The following ZFHX2 variants were observed in gnomAD, a reference collection of about 807,000 sequenced individuals.
The protein encoded by ZFHX2 is zinc finger homeobox protein 2.
In ZFHX2, 75 loss-of-function variants were observed where a neutral mutation model predicts 164.8. The observed-to-expected ratio is 0.46, with a 90% CI of 0.38 to 0.55. The LOEUF is 0.55. Ranked by LOEUF, ZFHX2 falls within the 20% of genes least tolerant of loss-of-function variation. The pLI, the probability that ZFHX2 is intolerant of heterozygous loss-of-function variation, is 0.00. For synonymous variants in ZFHX2, 1,217 were observed against 1,351.4 expected (o/e 0.90, Z 2.18); for missense variants, 2,933 against 3,308.0 (o/e 0.89, Z 2.78).
rs1259606977 is a variant in ZFHX2 at position 23,524,463 on chromosome 14, C to A, written c.5479G>T (p.Gly1827Cys). Residue 1827 changes from glycine to cysteine, a missense_variant, in exon 9 of 10, where the codon GGT (glycine) becomes TGT (cysteine). Coordinates refer to ENST00000419474, the MANE Select transcript of ZFHX2 (RefSeq NM_033400.3). This position sits in a 1 kb window ranked among gnomAD's most constrained non-coding sequence, Gnocchi z 5.6. Reference sequence around the variant, plus strand: ...TCATGCTTCCGTTTGAGAGGTGGACCTGGCATTGGTGAGGTGGCTGCCACC... The same window carrying A: ...TCATGCTTCCGTTTGAGAGGTGGACATGGCATTGGTGAGGTGGCTGCCACC... ...PLVAATSPMPGPPLKRKHEDG... is the reference protein window; with the variant it reads ...PLVAATSPMPCPPLKRKHEDG... 1 of 1,534,838 alleles carries A rather than the reference C, an allele frequency of 6.5e-7. No homozygotes were observed. Among genetic ancestry groups the A allele is most frequent in the South Asian group, 1.2e-5 (1 of 83,892 alleles).
In ZFHX2 at chr14:23,525,858, G is replaced by C. The variant is rs1305068682; in HGVS notation, c.4084C>G (p.Gln1362Glu). 1 of 1,456,678 alleles carries C rather than the reference G, an allele frequency of 6.9e-7. No homozygotes were observed. 90.2% of individuals were successfully genotyped at this position (1,456,678 alleles called of 1,614,324 possible). The change falls in exon 9 of 10, where the codon CAG (glutamine) becomes GAG (glutamate). Residue 1362 changes from glutamine to glutamate, a missense_variant. Physicochemically the swap from Gln to Glu is conservative, Grantham distance 29 (BLOSUM62 2). Transcript: ENST00000419474. The surrounding 1 kb of genome is among the most constrained non-coding windows in gnomAD (Gnocchi z 5.9). The stretch of plus-strand genomic sequence containing the variant: ...TGGAGGTAGAAGGGCAGGAGCAGCT[G>C]CTGCTGCTGGAGCTTAAGCAGTGAT... ...PESLLKLQQQQLLLPFYLHDL... is the reference protein window; with the variant it reads ...PESLLKLQQQELLLPFYLHDL...
At chr14:23,528,660 C>G in intron 6 of ZFHX2, 2 of 985,456 alleles carry the variant, frequency 2.0e-6, no homozygotes, top group Non-Finnish European at 2.4e-6. Flanking sequence ...CATCCTCCCT[C>G]AGGCTCAGCA....
intron 6 of ZFHX2, among the ~76,000 whole-genome samples, chr14:23,529,204 T>G (rs779244771): frequency 6.6e-5 from 10 of 152,324 alleles, no homozygotes; most frequent in Middle Eastern, 3.4e-3. Context: ...GTCTGAGTCC[T>G]GGGGATTTAG....
At chr14:23,551,993 T>C (rs1398901658), upstream of ZFHX2, among the ~76,000 whole-genome samples, 4 of 152,216 alleles carry the variant, frequency 2.6e-5, no homozygotes, top group East Asian at 7.7e-4. This position sits in a 1 kb window ranked among gnomAD's most constrained non-coding sequence, Gnocchi z 5.3. Flanking sequence ...CTCTTCATCC[T>C]GTGGCCTGCA....
chr14:23,522,338 G>T lies in ZFHX2; in HGVS notation c.7343C>A (p.Thr2448Asn). 2.0e-6 allele frequency: 3 copies of T among 1,535,058 alleles called. No homozygotes were observed. The highest frequency in any genetic ancestry group is 2.6e-6 in the Non-Finnish European group (3 of 1,146,332). ...GSTGISTVDV[T>N]HRYLCRQCKM... The stretch of plus-strand genomic sequence containing the variant: ...GCACTGGCGGCACAGGTAGCGATGG[G>T]TTACATCCACGGTGGAGATGCCAGT... The change falls in exon 10 of 10, where the codon ACC (threonine) becomes AAC (asparagine). Residue 2448 changes from threonine (T) to asparagine (N), a missense_variant. Coordinates refer to ENST00000419474, the MANE Select transcript of ZFHX2 (RefSeq NM_033400.3).
intron 1 of ZFHX2, among the ~76,000 whole-genome samples, chr14:23,539,026 G>C (rs568432113): frequency 6.6e-6 from 1 of 152,264 alleles, no homozygotes; most frequent in South Asian, 2.1e-4. Flanking sequence ...AGGGCGGAGA[G>C]TTCTGAGGGT....
At position 23,525,533 on chromosome 14, in the gene ZFHX2, G is replaced by T. The variant is rs866758772; in HGVS notation, c.4409C>A (p.Pro1470Gln). 4.6e-6 allele frequency: 7 copies of T among 1,535,538 alleles called. No homozygotes were observed. Among genetic ancestry groups the T allele is most frequent in the Non-Finnish European group, 6.1e-6 (7 of 1,146,906 alleles). Reference protein sequence around the residue: ...QAVPPPPTPPPPEALGGGDKL... With the variant: ...QAVPPPPTPPQPEALGGGDKL... ...GTCCCCACCCCCGAGGGCCTCAGGT[G>T]GGGGTGGGGTAGGGGGAGGGGGCAC... Residue 1470 changes from proline (P) to glutamine (Q), a missense_variant, in exon 9 of 10, where the codon CCA (proline) becomes CAA (glutamine). By Grantham distance (76) the Pro-to-Gln change is moderately conservative. Coordinates refer to ENST00000419474, the MANE Select transcript of ZFHX2 (RefSeq NM_033400.3). This position sits in a 1 kb window ranked among gnomAD's most constrained non-coding sequence, Gnocchi z 5.9.
chr14:23,546,494 T>C lies in ZFHX2; in HGVS notation c.-50+4849A>G, dbSNP rs1444077774. ...CTCAGCCCTGTCACCCCTTAACAAC[T>C]GCACATGAGGACCCTGGTCTCTGGA... is the stretch of plus-strand genomic sequence containing the variant. On this transcript the variant is annotated intron_variant, in intron 1 of 9. Coordinates refer to ENST00000419474, the MANE Select transcript of ZFHX2 (RefSeq NM_033400.3). The surrounding 1 kb of genome is among the most constrained non-coding windows in gnomAD (Gnocchi z 4.7). Among the ~76,000 whole-genome samples, 1 of 152,108 alleles carries C rather than the reference T, an allele frequency of 6.6e-6. No individual in the cohort carries two copies. Among genetic ancestry groups the C allele is most frequent in the African/African-American group, 2.4e-5 (1 of 41,408 alleles).
chr14:23,531,271 T>G, intron 4 of ZFHX2: 1 of 609,840 alleles, frequency 1.6e-6, no homozygotes, highest in Non-Finnish European at 2.4e-6. Flanking sequence ...GCAAAGCCCC[T>G]GCCCTTCTTT....
In ZFHX2 at chr14:23,532,880, T is replaced by C. The variant is rs780191376; in HGVS notation, c.2246A>G (p.Glu749Gly). 1 of 1,536,224 alleles carries C rather than the reference T, an allele frequency of 6.5e-7. No individual in the cohort carries two copies. The highest frequency in any genetic ancestry group is 2.0e-5 in the Admixed American group (1 of 51,006). ...CSIGRSLPEA[E>G]WKEVAGDTHR... ...GGTGTCACCAGCCACCTCCTTCCAT[T>C]CAGCTTCCGGGAGGCTCCGGCCTAT... is the stretch of plus-strand genomic sequence containing the variant. The change falls in exon 3 of 10, where the codon GAA (glutamate) becomes GGA (glycine). Residue 749 changes from glutamate to glycine, a missense_variant. Transcript: ENST00000419474.
chr14:23,549,169 A>C (rs1318078399), intron 1 of ZFHX2, among the ~76,000 whole-genome samples: 1 of 151,970 alleles, frequency 6.6e-6, no homozygotes, highest in Non-Finnish European at 1.5e-5. Context: ...TATTGCTATC[A>C]ACACGTTTTG....
At chr14:23,553,191 G>A (rs898929183), upstream of ZFHX2, among the ~76,000 whole-genome samples, 2 of 152,140 alleles carry the variant, frequency 1.3e-5, no homozygotes, top group Non-Finnish European at 2.9e-5. Flanking sequence ...ACAAAACCCT[G>A]AAGTTCACAT....
chr14:23,554,769 G>A (rs1311593269), upstream of ZFHX2, among the ~76,000 whole-genome samples: 1 of 152,056 alleles, frequency 6.6e-6, no homozygotes, highest in East Asian at 1.9e-4. Flanking sequence ...ATACTGGTGA[G>A]AGGGCAGGTG....
At chr14:23,538,747 A>G (rs1434411791) in intron 1 of ZFHX2, among the ~76,000 whole-genome samples, 1 of 152,062 alleles carries the variant, frequency 6.6e-6, no homozygotes, top group Non-Finnish European at 1.5e-5. Context: ...AAGAGGGTGG[A>G]TCTGGTGTAG....
upstream of ZFHX2, among the ~76,000 whole-genome samples, chr14:23,553,792 G>A (rs1882145139): frequency 6.6e-6 from 1 of 152,280 alleles, no homozygotes; most frequent in East Asian, 1.9e-4. Flanking sequence ...TACTTGGGAG[G>A]CTGAGGCAGG....
chr14:23,545,806 G>A (rs1024792300), intron 1 of ZFHX2, among the ~76,000 whole-genome samples: 13 of 152,184 alleles, frequency 8.5e-5, no homozygotes, highest in Admixed American at 7.9e-4. Context: ...CATGGCCCAG[G>A]AATAAAGAAG....
intron 7 of ZFHX2, 117 bp from the exon 8 acceptor site, chr14:23,527,090 C>T (rs913175479): frequency 9.5e-5 from 131 of 1,378,350 alleles, no homozygotes; most frequent in Non-Finnish European, 1.1e-4. Flanking sequence ...CAGATCCAGC[C>T]TCCTGTCTGA....
At chr14:23,529,837 C>T in intron 5 of ZFHX2, 69 bp from the exon 6 acceptor site, 1 of 1,465,856 alleles carries the variant, frequency 6.8e-7, no homozygotes, top group East Asian at 2.5e-5. Context: ...CAGAGAGCTT[C>T]CAGGGTAGGG....
chr14:23,525,903 G>C lies in ZFHX2; in HGVS notation c.4039C>G (p.Pro1347Ala), dbSNP rs1476562932. Residue 1347 changes from proline (P) to alanine (A), a missense_variant, in exon 9 of 10, where the codon CCC becomes GCC. Pro to Ala is a conservative substitution (Grantham distance 27). Coordinates refer to ENST00000419474, the MANE Select transcript of ZFHX2 (RefSeq NM_033400.3). This position sits in a 1 kb window ranked among gnomAD's most constrained non-coding sequence, Gnocchi z 5.9. ...APLFTPPVLP[P>A]FPLVPESLLK... Reference sequence around the variant, plus strand: ...AGTGATTCGGGCACCAGAGGGAAGGGGGGCAGGACTGGTGGGGTGAAGAGA... The same window carrying C: ...AGTGATTCGGGCACCAGAGGGAAGGCGGGCAGGACTGGTGGGGTGAAGAGA... 4 of 1,461,134 alleles carry C rather than the reference G, an allele frequency of 2.7e-6. No individual in the cohort carries two copies. The East Asian group carries it at 7.4e-5, about 27-fold the overall frequency. The allele number at this position is 1,461,134 out of a possible 1,614,324, so 90.5% of individuals were successfully genotyped here. A position where few individuals can be genotyped will look rare whatever the true frequency, so the allele number is the denominator to read the frequency against.
Sources: gnomAD v4.1 joint callset for allele counts (sites outside exome capture counted in the v4.1 genomes callset) on GRCh38, gnomAD v4.1.1 for gene constraint, Gnocchi (gnomAD v3.1) non-coding constraint, MANE v1.5 for transcripts, NCBI Gene and HGNC (gene_info 2026-07-23, HGNC 2026-07-21) for gene names.